The following NYAP2 variants were observed in gnomAD, a reference collection of about 807,000 sequenced individuals.
NYAP2 encodes the protein neuronal tyrosine-phosphorylated phosphoinositide-3-kinase adaptor 2.
A neutral mutation model predicts 50.4 loss-of-function variants in NYAP2; 23 were observed. The ratio of observed to expected loss-of-function variants is 0.46; its 90% CI spans 0.33 to 0.65. NYAP2 has a LOEUF of 0.65. NYAP2 is among the 30% of genes least tolerant of loss of function. The pLI is 0.02. For missense variants in NYAP2, 885 were observed against 861.0 expected, an observed-to-expected ratio of 1.03 and a Z score of -0.35; for synonymous variants, 394 against 365.2, an observed-to-expected ratio of 1.08 and a Z score of -0.90.
intron 3 of NYAP2, among the ~76,000 whole-genome samples, chr2:225,422,849 G>A (rs527359648): frequency 2.4e-4 from 37 of 152,152 alleles, no homozygotes; most frequent in African/African-American, 7.5e-4. Context: ...GTTTCTAATC[G>A]TGAACGATTC....
At chr2:225,541,507 A>G (rs1045640470) in intron 4 of NYAP2, among the ~76,000 whole-genome samples, 2 of 152,190 alleles carry the variant, frequency 1.3e-5, no homozygotes, top group African/African-American at 4.8e-5. Flanking sequence ...TCTTCTGCAT[A>G]TGGATATCCC....
chr2:225,514,128 C>T (rs1690883361), intron 4 of NYAP2, among the ~76,000 whole-genome samples: 1 of 152,110 alleles, frequency 6.6e-6, no homozygotes, highest in African/African-American at 2.4e-5. Context: ...TATGTGTGTG[C>T]ATACTATAAT....
intron 3 of NYAP2, among the ~76,000 whole-genome samples, chr2:225,445,723 T>C (rs112198151): frequency 6.6e-6 from 1 of 152,086 alleles, no homozygotes; most frequent in African/African-American, 2.4e-5. Context: ...CAGCCCAATT[T>C]GGTGCTGGGC....
chr2:225,498,138 C>T (rs1472820708), intron 3 of NYAP2, among the ~76,000 whole-genome samples: 1 of 151,778 alleles, frequency 6.6e-6, no homozygotes, highest in African/African-American at 2.4e-5. Context: ...AACTTTTACA[C>T]TCAAAGAATT....
At chr2:225,439,364 G>A (rs981038431) in intron 3 of NYAP2, among the ~76,000 whole-genome samples, 1 of 152,188 alleles carries the variant, frequency 6.6e-6, no homozygotes, top group Non-Finnish European at 1.5e-5. Context: ...AATGGACAAG[G>A]TAGTAGAACG....
At chr2:225,689,168 A>G in the NYAP2 span, among the ~76,000 whole-genome samples, 1 of 152,204 alleles carries the variant, frequency 6.6e-6, no homozygotes, top group Non-Finnish European at 1.5e-5. Flanking sequence ...CATCCCTGAA[A>G]GTAATTTGTG....
chr2:225,630,083 AG>A (rs1174791470), intron 6 of NYAP2, among the ~76,000 whole-genome samples: 8 of 152,360 alleles, frequency 5.3e-5, no homozygotes, highest in African/African-American at 1.9e-4. Flanking sequence ...TGAAGAAAAA[AG>A]TCAGCCTTCT....
chr2:225,566,972 A>G (rs997300950), intron 4 of NYAP2, among the ~76,000 whole-genome samples: 1 of 152,016 alleles, frequency 6.6e-6, no homozygotes, highest in Admixed American at 6.6e-5. Context: ...TTGCTTAACA[A>G]TAAGGATGCT....
chr2:225,442,741 A>G (rs1291179358), intron 3 of NYAP2, among the ~76,000 whole-genome samples: 1 of 151,946 alleles, frequency 6.6e-6, no homozygotes, highest in Non-Finnish European at 1.5e-5. Flanking sequence ...ACGCCCAGCT[A>G]ATTTTTGTGT....
chr2:225,681,426 ATGGAG>A, the NYAP2 span, among the ~76,000 whole-genome samples: 1 of 152,220 alleles, frequency 6.6e-6, no homozygotes, highest in Admixed American at 6.5e-5. Context: ...CCAAAAGCAG[ATGGAG>A]TGATCACTGA....
intron 3 of NYAP2, among the ~76,000 whole-genome samples, chr2:225,437,922 C>T (rs761764042): frequency 6.6e-6 from 1 of 152,152 alleles, no homozygotes; most frequent in Non-Finnish European, 1.5e-5. Context: ...TAGCCACAGA[C>T]CAGATCATGA....
chr2:225,483,275 G>C (rs375068271), intron 3 of NYAP2, among the ~76,000 whole-genome samples: 34 of 152,220 alleles, frequency 2.2e-4, no homozygotes, highest in African/African-American at 7.7e-4. Flanking sequence ...TCATGATATA[G>C]AATGTGAGGA....
chr2:225,608,672 T>C (rs1028202447), intron 5 of NYAP2, among the ~76,000 whole-genome samples: 3 of 152,150 alleles, frequency 2.0e-5, no homozygotes, highest in Admixed American at 1.3e-4. Flanking sequence ...TGGACATTTG[T>C]GGGCTTTAAC....
At chr2:225,425,228 G>C (rs1391072092) in intron 3 of NYAP2, among the ~76,000 whole-genome samples, 1 of 152,084 alleles carries the variant, frequency 6.6e-6, no homozygotes, top group East Asian at 1.9e-4. Flanking sequence ...TCCTATAAAA[G>C]GTACAGCCAT....
chr2:225,398,404 T>A (rs1394125534), upstream of NYAP2, among the ~76,000 whole-genome samples: 1 of 152,048 alleles, frequency 6.6e-6, no homozygotes, highest in Non-Finnish European at 1.5e-5. Context: ...GATAAAGTGT[T>A]TCCGTTTTCT....
intron 3 of NYAP2, among the ~76,000 whole-genome samples, chr2:225,420,620 T>G (rs866752435): frequency 4.6e-5 from 7 of 151,434 alleles, no homozygotes; most frequent in African/African-American, 1.5e-4. Context: ...TCTTTTTTTT[T>G]TTTGTTTTTG....
At chr2:225,516,063 G>A (rs534833712) in intron 4 of NYAP2, among the ~76,000 whole-genome samples, 1 of 152,274 alleles carries the variant, frequency 6.6e-6, no homozygotes, top group East Asian at 1.9e-4. Flanking sequence ...TGGAGGGGGA[G>A]CTGGGCTACT....
chr2:225,446,216 G>GTCTC lies in NYAP2; in HGVS notation c.221+37143_221+37146dup, dbSNP rs1271105292. On this transcript the variant is annotated intron_variant, in intron 3 of 6. Coordinates refer to ENST00000636099, the Ensembl canonical transcript of NYAP2. ...TGTCTGTCTGTCTGTCTGTCTGTCT[G>GTCTC]TCTCTCTCTCTCTCTCTCTCTCTCT... Among the ~76,000 whole-genome samples, 193 of 69,440 alleles carry GTCTC rather than the reference G, an allele frequency of 2.8e-3. 1 individual carries two copies. Among genetic ancestry groups the GTCTC allele is most frequent in the East Asian group, 6.6e-3 (13 of 1,978 alleles). The allele number at this position is 69,440 out of a possible 152,430, so 45.6% of individuals were successfully genotyped here. A position where few individuals can be genotyped will look rare whatever the true frequency, so the allele number is the denominator to read the frequency against.
intron 3 of NYAP2, among the ~76,000 whole-genome samples, chr2:225,419,970 A>G (rs559428889): frequency 6.6e-6 from 1 of 152,358 alleles, no homozygotes; most frequent in South Asian, 2.1e-4. Context: ...TTTTCCTAAA[A>G]TACTTAAAAT....
Sources: gnomAD v4.1 joint callset for allele counts (sites outside exome capture counted in the v4.1 genomes callset) on GRCh38, gnomAD v4.1.1 for gene constraint, MANE v1.5 for transcripts, NCBI Gene and HGNC (gene_info 2026-07-23, HGNC 2026-07-21) for gene names.